The following TBC1D5 variants were observed in gnomAD, a reference collection of about 807,000 sequenced individuals.
TBC1D5 encodes the protein TBC1 domain family member 5.
In TBC1D5, 75 loss-of-function variants were observed where a neutral mutation model predicts 100.3. That is an observed-to-expected ratio of 0.75 (90% CI 0.62 to 0.91). The LOEUF (loss-of-function observed/expected upper bound fraction) is 0.91. Among genes scored for constraint, TBC1D5 ranks in the 40% least tolerant of loss-of-function variants. The probability of loss-of-function intolerance (pLI) is 0.00; values close to 1 mark genes in which losing one functional copy is unlikely to be tolerated. For missense variants in TBC1D5, 910 were observed against 942.4 expected, an observed-to-expected ratio of 0.97 and a Z score of 0.45; for synonymous variants, 323 against 325.6, an observed-to-expected ratio of 0.99 and a Z score of 0.09.
chr3:17,439,262 C>T (rs1446833761), intron 3 of TBC1D5, among the ~76,000 whole-genome samples: 1 of 152,064 alleles, frequency 6.6e-6, no homozygotes, highest in Non-Finnish European at 1.5e-5. Context: ...ATTTTAGAGC[C>T]TGAAAAATTC....
chr3:17,158,567 C>T (rs556739770), exon 22 of TBC1D5: 29 of 152,394 alleles, frequency 1.9e-4, no homozygotes, highest in African/African-American at 6.7e-4. Flanking sequence ...CCATGACCCA[C>T]TGTCCTTGTA....
At chr3:17,518,994 T>G (rs1247480837) in intron 2 of TBC1D5, 1 of 152,244 alleles carries the variant, frequency 6.6e-6, no homozygotes, top group Admixed American at 6.5e-5. Context: ...GCAGGCTCCC[T>G]CCTGCAAGGA....
chr3:17,657,301 C>T (rs1577273926), intron 1 of TBC1D5, among the ~76,000 whole-genome samples: 1 of 151,330 alleles, frequency 6.6e-6, no homozygotes, highest in Admixed American at 6.6e-5. Flanking sequence ...AGCCAATCCA[C>T]TCTCCACCCT....
At chr3:17,362,859 A>G (rs943514288) in intron 13 of TBC1D5, among the ~76,000 whole-genome samples, 1 of 152,188 alleles carries the variant, frequency 6.6e-6, no homozygotes, top group African/African-American at 2.4e-5. Flanking sequence ...GCTCCTCAGT[A>G]CCCAGCAGTT....
At chr3:17,692,942 C>A (rs562987827) in intron 1 of TBC1D5, among the ~76,000 whole-genome samples, 1 of 152,344 alleles carries the variant, frequency 6.6e-6, no homozygotes, top group Non-Finnish European at 1.5e-5. Context: ...CCAGCCTGGG[C>A]AACATGGCAA....
intron 13 of TBC1D5, among the ~76,000 whole-genome samples, chr3:17,362,088 A>G (rs1382533530): frequency 1.3e-5 from 2 of 152,158 alleles, no homozygotes; most frequent in Non-Finnish European, 2.9e-5. Flanking sequence ...TTGGATATTC[A>G]TATTTAAAAA....
chr3:17,409,526 A>T (rs2093864631), intron 4 of TBC1D5, among the ~76,000 whole-genome samples: 2 of 152,090 alleles, frequency 1.3e-5, no homozygotes, highest in Non-Finnish European at 2.9e-5. Context: ...GGTACATCTA[A>T]AGCCAAGTTA....
chr3:17,293,242 CTT>C (rs775642457), intron 14 of TBC1D5, among the ~76,000 whole-genome samples: 4 of 152,040 alleles, frequency 2.6e-5, no homozygotes, highest in Non-Finnish European at 4.4e-5. Context: ...ACCTGCTGTC[CTT>C]TTTTTCTCCA....
At chr3:17,440,132 G>C (rs1464600469) in intron 3 of TBC1D5, among the ~76,000 whole-genome samples, 2 of 152,102 alleles carry the variant, frequency 1.3e-5, no homozygotes, top group African/African-American at 4.8e-5. Context: ...AGAGCAGAGG[G>C]ACAGCCAAAG....
Position 17,633,410 on chromosome 3 carries a change from C to T in TBC1D5, c.-100-9497G>A, listed in dbSNP as rs192827858. On this transcript the variant is annotated intron_variant, in intron 1 of 21. Transcript: ENST00000253692. ...GAGATCACACCACTGCACTACAGCC[C>T]GCTCCAACAACAGCGAGACTCCATC... Among the ~76,000 whole-genome samples, 201 of 152,114 alleles carry T rather than the reference C, an allele frequency of 1.3e-3. 1 individual carries two copies. Among genetic ancestry groups the T allele is most frequent in the African/African-American group, 4.4e-3 (184 of 41,496 alleles).
At chr3:17,595,739 C>T (rs1290005035) in intron 2 of TBC1D5, among the ~76,000 whole-genome samples, 3 of 152,208 alleles carry the variant, frequency 2.0e-5, no homozygotes, top group African/African-American at 7.2e-5. Context: ...CCTGAACCCA[C>T]ACCCCAAGCC....
chr3:17,480,473 C>T (rs189521284), intron 3 of TBC1D5, among the ~76,000 whole-genome samples: 10 of 152,352 alleles, frequency 6.6e-5, no homozygotes, highest in Admixed American at 3.9e-4. Flanking sequence ...TACTTCCTCC[C>T]TTCTGAGCCC....
At chr3:17,217,218 T>C (rs2073757171) in intron 17 of TBC1D5, among the ~76,000 whole-genome samples, 1 of 152,194 alleles carries the variant, frequency 6.6e-6, no homozygotes, top group Non-Finnish European at 1.5e-5. Flanking sequence ...TTCATTCCTT[T>C]TAGTTGCCAA....
intron 2 of TBC1D5, among the ~76,000 whole-genome samples, chr3:17,532,478 A>G (rs2153386933): frequency 1.3e-5 from 2 of 152,316 alleles, no homozygotes; most frequent in South Asian, 4.1e-4. Flanking sequence ...CAGCCATCCC[A>G]TTACTGGGTG....
chr3:17,549,593 T>C (rs926113535), intron 2 of TBC1D5, among the ~76,000 whole-genome samples: 2 of 152,176 alleles, frequency 1.3e-5, no homozygotes, highest in African/African-American at 4.8e-5. Context: ...TCAACAAATA[T>C]GTAACAAGTT....
Position 17,285,147 on chromosome 3 carries a change from T to C in TBC1D5, c.1245+6748A>G, listed in dbSNP as rs144664237. Among the ~76,000 whole-genome samples the C allele has an allele frequency of 3.0e-3, 447 of 150,152 alleles. 1 individual carries two copies. The highest frequency in any genetic ancestry group is 5.0e-3 in the Non-Finnish European group (339 of 67,756). Reference sequence around the variant, plus strand: ...ACAAAAAATTGGATTAGTAACATACTAGAAAATCTGAATAGACCGTCTGCT... The same window carrying C: ...ACAAAAAATTGGATTAGTAACATACCAGAAAATCTGAATAGACCGTCTGCT... On this transcript the variant is annotated intron_variant, in intron 15 of 21. Coordinates refer to ENST00000253692, the Ensembl canonical transcript of TBC1D5.
At chr3:17,628,957 G>A (rs899092697) in intron 1 of TBC1D5, among the ~76,000 whole-genome samples, 1 of 152,182 alleles carries the variant, frequency 6.6e-6, no homozygotes, top group South Asian at 2.1e-4. Flanking sequence ...CACACGGAGT[G>A]TAAAACTGGC....
intron 2 of TBC1D5, among the ~76,000 whole-genome samples, chr3:17,561,422 ACTTAT>A (rs1290364620): frequency 2.6e-5 from 4 of 152,228 alleles, no homozygotes; most frequent in South Asian, 4.1e-4. Flanking sequence ...ATGAGCCAGC[ACTTAT>A]CTTAAGAAGA....
intron 1 of TBC1D5, among the ~76,000 whole-genome samples, chr3:17,695,152 G>C (rs1305187182): frequency 6.6e-6 from 1 of 152,194 alleles, no homozygotes; most frequent in Non-Finnish European, 1.5e-5. Context: ...ATGCCAAATT[G>C]TAAAGACCAT....
Sources: allele counts gnomAD v4.1 joint callset (sites outside exome capture counted in the v4.1 genomes callset), GRCh38; gene constraint gnomAD v4.1.1; transcripts MANE v1.5; gene names NCBI Gene and HGNC (gene_info 2026-07-23, HGNC 2026-07-21).